Variants in TBL1XR1 observed in about 807,000 individuals in gnomAD.
TBL1XR1 encodes TBL1X/Y related 1.
In TBL1XR1, 5 loss-of-function variants were observed where a neutral mutation model predicts 66.9. That is an observed-to-expected ratio of 0.07 (90% CI 0.04 to 0.16). The LOEUF (loss-of-function observed/expected upper bound fraction) is 0.16, where lower values mean the gene tolerates loss of function less well. Among genes scored for constraint, TBL1XR1 ranks in the 10% least tolerant of loss-of-function variants. The pLI, the probability that TBL1XR1 is intolerant of heterozygous loss-of-function variation, is 1.00. For synonymous variants in TBL1XR1, 210 were observed against 206.0 expected, an observed-to-expected ratio of 1.02 and a Z score of -0.17; for missense variants, 238 against 623.2, an observed-to-expected ratio of 0.38 and a Z score of 6.58.
In TBL1XR1 at chr3:177,050,635, A is replaced by G. The variant is rs1409747635; in HGVS notation, c.428-25T>C. The G allele has an allele frequency of 2.5e-6, 4 of 1,612,850 alleles. No individual in the cohort carries two copies. The African/African-American group carries it at 4.0e-5, about 16-fold the overall frequency. Reference sequence around the variant, plus strand: ...TCTGCATCGTGAAACACAAGTAAGCATTTCCAGTTAGGCAGTATTACAACA... The same window carrying G: ...TCTGCATCGTGAAACACAAGTAAGCGTTTCCAGTTAGGCAGTATTACAACA... On this transcript the variant is annotated intron_variant, in intron 5 of 15. Coordinates refer to ENST00000457928, the MANE Select transcript of TBL1XR1 (RefSeq NM_024665.7).
Position 177,062,184 on chromosome 3 carries a change from T to C in TBL1XR1, c.58+2736A>G, listed in dbSNP as rs1718600529. 4.6e-5 allele frequency among the ~76,000 whole-genome samples: 7 copies of C among 152,336 alleles called. No individual in the cohort carries two copies. The South Asian group carries it at 1.4e-3, about 32-fold the overall frequency. Reference sequence around the variant, plus strand: ...TATACACTTTCAGTGGCAGCCCCTCTTTAGGATATGCTCTCATAGCCCAAA... The same window carrying C: ...TATACACTTTCAGTGGCAGCCCCTCCTTAGGATATGCTCTCATAGCCCAAA... On this transcript the variant is annotated intron_variant, in intron 3 of 15. Transcript: ENST00000457928.
chr3:177,112,086 TATATATATATATATATA>T (rs1725652449), intron 1 of TBL1XR1, among the ~76,000 whole-genome samples: 1 of 42,614 alleles, frequency 2.3e-5, no homozygotes, highest in Admixed American at 2.2e-4. Flanking sequence ...TATATATATA[TATATATATATATATATA>T]TATATTTTTT....
At chr3:177,165,895 A>G (rs1732761279) in intron 1 of TBL1XR1, among the ~76,000 whole-genome samples, 2 of 151,874 alleles carry the variant, frequency 1.3e-5, no homozygotes, top group Admixed American at 1.3e-4. Flanking sequence ...CCAGGAGTTC[A>G]AGACCAGCCT....
chr3:177,182,038 G>A (rs908403902), intron 1 of TBL1XR1, among the ~76,000 whole-genome samples: 3 of 152,164 alleles, frequency 2.0e-5, no homozygotes, highest in African/African-American at 7.2e-5. Flanking sequence ...GGATTCTGCA[G>A]ATGACAAAAA....
intron 1 of TBL1XR1, among the ~76,000 whole-genome samples, chr3:177,181,868 G>A (rs1734868623): frequency 6.6e-6 from 1 of 151,636 alleles, no homozygotes; most frequent in African/African-American, 2.4e-5. Flanking sequence ...TAAAGAGACT[G>A]CAGAATACAT....
intron 1 of TBL1XR1, among the ~76,000 whole-genome samples, chr3:177,129,835 G>C (rs1297338352): frequency 1.3e-5 from 2 of 152,096 alleles, no homozygotes; most frequent in African/African-American, 4.8e-5. Flanking sequence ...AGACAACCTG[G>C]CAGTGAAATT....
At chr3:177,046,696 T>C (rs1198214520) in intron 9 of TBL1XR1, among the ~76,000 whole-genome samples, 1 of 152,176 alleles carries the variant, frequency 6.6e-6, no homozygotes, top group African/African-American at 2.4e-5. Context: ...CCCAGCCTAC[T>C]TCACTTTTCT....
chr3:177,149,027 A>AG (rs1730578764), intron 1 of TBL1XR1, among the ~76,000 whole-genome samples: 1 of 152,038 alleles, frequency 6.6e-6, no homozygotes, highest in Non-Finnish European at 1.5e-5. Flanking sequence ...AGAAAAGAAA[A>AG]GAAAAAACTC....
At chr3:177,029,210 A>T (rs1489923846) in intron 14 of TBL1XR1, among the ~76,000 whole-genome samples, 4 of 152,152 alleles carry the variant, frequency 2.6e-5, no homozygotes, top group African/African-American at 9.6e-5. Context: ...CTGAGGTCAA[A>T]GGATCTCTTG....
chr3:177,122,753 C>T (rs1274265035), intron 1 of TBL1XR1, among the ~76,000 whole-genome samples: 2 of 152,116 alleles, frequency 1.3e-5, no homozygotes, highest in Admixed American at 1.3e-4. Flanking sequence ...CACAGAAGAT[C>T]ACATAAGTGC....
intron 1 of TBL1XR1, among the ~76,000 whole-genome samples, chr3:177,152,614 T>C (rs1173718795): frequency 6.6e-6 from 1 of 152,200 alleles, no homozygotes. Context: ...TCTTAGCTTT[T>C]TGCAGAAAGC....
chr3:177,194,380 C>T (rs1465621676), intron 1 of TBL1XR1, among the ~76,000 whole-genome samples: 1 of 152,204 alleles, frequency 6.6e-6, no homozygotes, highest in East Asian at 1.9e-4. Context: ...AATACAAGTT[C>T]TAGTGAATAC....
intron 2 of TBL1XR1, among the ~76,000 whole-genome samples, chr3:177,075,569 A>C (rs1280370038): frequency 6.6e-6 from 1 of 152,216 alleles, no homozygotes; most frequent in Non-Finnish European, 1.5e-5. Flanking sequence ...AACTAACTCA[A>C]GTATATTTCA....
chr3:177,107,687 T>C (rs1016750907), intron 1 of TBL1XR1, among the ~76,000 whole-genome samples: 4 of 152,158 alleles, frequency 2.6e-5, no homozygotes, highest in Non-Finnish European at 5.9e-5. Context: ...CACACATAGA[T>C]ACACCATCCG....
chr3:177,146,348 G>A (rs1022826765), intron 1 of TBL1XR1, among the ~76,000 whole-genome samples: 1 of 151,756 alleles, frequency 6.6e-6, no homozygotes, highest in African/African-American at 2.4e-5. Flanking sequence ...GTGCAATGGC[G>A]TGATCTCGGC....
intron 1 of TBL1XR1, among the ~76,000 whole-genome samples, chr3:177,159,117 T>C (rs1243045213): frequency 6.6e-6 from 1 of 152,136 alleles, no homozygotes; most frequent in East Asian, 1.9e-4. Flanking sequence ...AAAGACAGTT[T>C]TTACTTATGT....
chr3:177,107,320 G>C (rs1010947040), intron 1 of TBL1XR1, among the ~76,000 whole-genome samples: 33 of 152,098 alleles, frequency 2.2e-4, no homozygotes, highest in African/African-American at 8.0e-4. Flanking sequence ...ACAGATTCAC[G>C]TGAAAAAAAG....
At chr3:177,200,775 G>A (rs1240782572), upstream of TBL1XR1, among the ~76,000 whole-genome samples, 2 of 152,190 alleles carry the variant, frequency 1.3e-5, no homozygotes, top group Non-Finnish European at 2.9e-5. Context: ...GGAGGCTGAG[G>A]TGGGCAGATC....
intron 14 of TBL1XR1, chr3:177,032,739 G>C (rs1714178437): frequency 2.9e-6 from 1 of 340,176 alleles, no homozygotes; most frequent in African/African-American, 2.1e-5. Flanking sequence ...CAAAACCGTT[G>C]GAAAAAAACA....
Sources: gnomAD v4.1 joint callset for allele counts (sites outside exome capture counted in the v4.1 genomes callset) on GRCh38, gnomAD v4.1.1 for gene constraint, MANE v1.5 for transcripts, NCBI Gene and HGNC (gene_info 2026-07-23, HGNC 2026-07-21) for gene names.